Variants in DCC observed in about 807,000 individuals in gnomAD.
DCC encodes the protein netrin receptor DCC.
A neutral mutation model predicts 172.5 loss-of-function variants in DCC; 58 were observed. The ratio of observed to expected loss-of-function variants is 0.34; its 90% confidence interval spans 0.27 to 0.42. The LOEUF (loss-of-function observed/expected upper bound fraction) is 0.42. Ranked by LOEUF, DCC falls within the 10% of genes least tolerant of loss-of-function variation. The pLI is 1.00. For synonymous variants in DCC, 709 were observed against 644.5 expected (o/e 1.10, Z -1.52); for missense variants, 1,740 against 1,791.0 (o/e 0.97, Z 0.51).
intron 12 of DCC, among the ~76,000 whole-genome samples, chr18:53,260,733 C>A (rs1348352801): frequency 1.3e-5 from 2 of 152,166 alleles, no homozygotes; most frequent in African/African-American, 4.8e-5. Flanking sequence ...TCAAAGCTGT[C>A]AGACAGGGAC....
intron 1 of DCC, among the ~76,000 whole-genome samples, chr18:52,553,483 C>T (rs2032831338): frequency 6.6e-6 from 1 of 151,998 alleles, no homozygotes; most frequent in African/African-American, 2.4e-5. Flanking sequence ...CCAGGCGACA[C>T]AAAGAGAATG....
At chr18:53,210,721 A>C (rs577631296) in intron 11 of DCC, among the ~76,000 whole-genome samples, 1 of 152,290 alleles carries the variant, frequency 6.6e-6, no homozygotes, top group South Asian at 2.1e-4. Context: ...TACCATAAAA[A>C]ATATATTGAG....
At chr18:53,057,049 A>G (rs972524928) in intron 5 of DCC, among the ~76,000 whole-genome samples, 1 of 150,522 alleles carries the variant, frequency 6.6e-6, no homozygotes, top group African/African-American at 2.4e-5. Context: ...CTGGAAAAGA[A>G]TAGCTGAATA....
intron 2 of DCC, among the ~76,000 whole-genome samples, chr18:52,854,749 G>A (rs1334705950): frequency 3.9e-5 from 6 of 152,118 alleles, no homozygotes; most frequent in Non-Finnish European, 8.8e-5. Flanking sequence ...CAGAAAGCCC[G>A]CCAGCAGGGT....
At chr18:52,954,337 A>G (rs1199754312) in intron 5 of DCC, among the ~76,000 whole-genome samples, 6 of 152,298 alleles carry the variant, frequency 3.9e-5, no homozygotes, top group East Asian at 3.9e-4. Context: ...TGAAATAATC[A>G]TACTGTTTGT....
At chr18:53,375,001 T>C (rs1052674831) in intron 15 of DCC, among the ~76,000 whole-genome samples, 5 of 152,150 alleles carry the variant, frequency 3.3e-5, no homozygotes, top group Non-Finnish European at 5.9e-5. Context: ...CAGTGACCCA[T>C]GGGTGGATTG....
At chr18:52,985,378 C>A (rs2041275865) in intron 5 of DCC, among the ~76,000 whole-genome samples, 1 of 152,152 alleles carries the variant, frequency 6.6e-6, no homozygotes, top group South Asian at 2.1e-4. Flanking sequence ...TCCCTCAGAA[C>A]TCTGAAGACA....
intron 15 of DCC, among the ~76,000 whole-genome samples, chr18:53,366,599 G>A (rs2058007185): frequency 6.6e-6 from 1 of 152,082 alleles, no homozygotes; most frequent in African/African-American, 2.4e-5. Context: ...GAAACATCCT[G>A]GAAATTATCT....
chr18:52,926,852 C>T (rs996902179), intron 5 of DCC, among the ~76,000 whole-genome samples: 35 of 142,948 alleles, frequency 2.4e-4, no homozygotes, highest in African/African-American at 6.9e-4. Context: ...CACACATATA[C>T]GTGTGTGTGT....
At chr18:53,403,009 T>C (rs1051891148) in intron 19 of DCC, 116 bp downstream of exon 19, 2 of 775,342 alleles carry the variant, frequency 2.6e-6, no homozygotes, top group African/African-American at 1.7e-5. Flanking sequence ...ACATCTCAGC[T>C]GACTCCATGA....
chr18:53,358,619 C>G (rs2057908161), intron 15 of DCC, among the ~76,000 whole-genome samples: 1 of 138,140 alleles, frequency 7.2e-6, no homozygotes, highest in Admixed American at 7.9e-5. Flanking sequence ...CTTCCAGGTT[C>G]AACCGATTCT....
intron 22 of DCC, among the ~76,000 whole-genome samples, chr18:53,441,481 C>T (rs949807037): frequency 6.6e-6 from 1 of 152,004 alleles, no homozygotes; most frequent in African/African-American, 2.4e-5. Context: ...ATGAGATCTC[C>T]ACCCCGACGT....
intron 2 of DCC, among the ~76,000 whole-genome samples, chr18:52,865,926 C>T (rs116859453): frequency 0.07 from 7,570 of 107,384 alleles, 253 homozygotes; most frequent in South Asian, 0.23. Context: ...CAATTTTGGC[C>T]TTTGTTGCCA....
chr18:53,397,107 T>C (rs1011879927), intron 17 of DCC, among the ~76,000 whole-genome samples: 1 of 151,716 alleles, frequency 6.6e-6, no homozygotes, highest in Admixed American at 6.6e-5. Flanking sequence ...CCTAATTTTA[T>C]TGGTTATATT....
chr18:52,588,556 A>G (rs1186664915), intron 1 of DCC, among the ~76,000 whole-genome samples: 1 of 152,234 alleles, frequency 6.6e-6, no homozygotes, highest in Non-Finnish European at 1.5e-5. Flanking sequence ...AAATAATTAC[A>G]TGAATGAACA....
intron 21 of DCC, among the ~76,000 whole-genome samples, chr18:53,429,447 T>G (rs1389393385): frequency 1.3e-5 from 2 of 151,916 alleles, no homozygotes; most frequent in African/African-American, 2.4e-5. Context: ...TCAATTTCAT[T>G]TTATTCGTGT....
intron 1 of DCC, among the ~76,000 whole-genome samples, chr18:52,537,775 G>T (rs1245425258): frequency 1.3e-5 from 2 of 152,138 alleles, no homozygotes; most frequent in African/African-American, 4.8e-5. Context: ...ACCATTGAGA[G>T]ATTGTAATTA....
At chr18:53,118,348 T>G (rs2043436356) in intron 7 of DCC, among the ~76,000 whole-genome samples, 1 of 151,820 alleles carries the variant, frequency 6.6e-6, no homozygotes, top group Admixed American at 6.6e-5. Flanking sequence ...TCATAGTGTT[T>G]CGTATATAAA....
chr18:52,433,048 C>T (rs1281741373), intron 1 of DCC, among the ~76,000 whole-genome samples: 1 of 152,060 alleles, frequency 6.6e-6, no homozygotes, highest in Non-Finnish European at 1.5e-5. Flanking sequence ...TTTATTAGAA[C>T]ATCAAATGAG....
Sources: allele counts gnomAD v4.1 joint callset (sites outside exome capture counted in the v4.1 genomes callset), GRCh38; gene constraint gnomAD v4.1.1; transcripts MANE v1.5; gene names NCBI Gene and HGNC (gene_info 2026-07-23, HGNC 2026-07-21).